SPPL3: variants seen among roughly 807,000 people sequenced by gnomAD.
SPPL3 encodes signal peptide peptidase like 3.
A neutral mutation model predicts 42.4 loss-of-function variants in SPPL3; 5 were observed. The ratio of observed to expected loss-of-function variants is 0.12; its 90% CI spans 0.06 to 0.25. The LOEUF (loss-of-function observed/expected upper bound fraction) is 0.25. Among genes scored for constraint, SPPL3 ranks in the 10% least tolerant of loss-of-function variants. The probability of loss-of-function intolerance (pLI) is 1.00; values close to 1 mark genes in which losing one functional copy is unlikely to be tolerated. For missense variants in SPPL3, 235 were observed against 489.0 expected (o/e 0.48, Z 4.90); for synonymous variants, 195 against 181.8 (o/e 1.07, Z -0.58).
intron 1 of SPPL3, among the ~76,000 whole-genome samples, chr12:120,865,894 G>A (rs143604631): frequency 0.014 from 2,161 of 152,260 alleles, 41 homozygotes; most frequent in African/African-American, 0.046. Flanking sequence ...TCACATTAAC[G>A]CCTGAGTTCT....
At chr12:120,892,984 GAAA>G (rs11373013) in intron 1 of SPPL3, among the ~76,000 whole-genome samples, 2 of 126,104 alleles carry the variant, frequency 1.6e-5, no homozygotes, top group African/African-American at 3.0e-5. Flanking sequence ...TCTGTCTCGG[GAAA>G]AAAAAAAAAA....
chr12:120,855,310 A>G (rs1872415094), intron 1 of SPPL3, among the ~76,000 whole-genome samples: 1 of 152,226 alleles, frequency 6.6e-6, no homozygotes, highest in African/African-American at 2.4e-5. Flanking sequence ...ATGTATAAAA[A>G]ACAATTTTTG....
intron 2 of SPPL3, among the ~76,000 whole-genome samples, chr12:120,801,285 C>T (rs1870284817): frequency 6.6e-6 from 1 of 152,196 alleles, no homozygotes; most frequent in Non-Finnish European, 1.5e-5. Flanking sequence ...CCTGTGCTAG[C>T]TGGGCCTCCT....
At chr12:120,798,114 C>T (rs1359051078) in intron 2 of SPPL3, among the ~76,000 whole-genome samples, 1 of 152,132 alleles carries the variant, frequency 6.6e-6, no homozygotes, top group African/African-American at 2.4e-5. Flanking sequence ...GACAGCTCCC[C>T]AGCAGGACCA....
chr12:120,825,997 G>C (rs1229716295), intron 1 of SPPL3, among the ~76,000 whole-genome samples: 1 of 94,198 alleles, frequency 1.1e-5, no homozygotes, highest in Non-Finnish European at 3.1e-5. Flanking sequence ...GAGAATGAAA[G>C]CAGGGCAAGA....
chr12:120,783,436 G>C (rs1468035217), intron 5 of SPPL3, among the ~76,000 whole-genome samples: 1 of 152,130 alleles, frequency 6.6e-6, no homozygotes, highest in African/African-American at 2.4e-5. Flanking sequence ...GATCTAAGTA[G>C]GAAGCACATT....
At chr12:120,900,923 C>CAAAA (rs11432981) in intron 1 of SPPL3, among the ~76,000 whole-genome samples, 2 of 101,494 alleles carry the variant, frequency 2.0e-5, no homozygotes, top group East Asian at 2.8e-4. Context: ...CCCTGTCTCA[C>CAAAA]AAAAAAAAAA....
intron 1 of SPPL3, among the ~76,000 whole-genome samples, chr12:120,827,019 T>C (rs970072086): frequency 1.3e-5 from 2 of 152,146 alleles, no homozygotes; most frequent in African/African-American, 4.8e-5. Context: ...CTCCAGTTGG[T>C]GATTTCTACC....
At chr12:120,845,124 G>T in intron 1 of SPPL3, 1 of 423,804 alleles carries the variant, frequency 2.4e-6, no homozygotes, top group Non-Finnish European at 4.6e-6. Flanking sequence ...TCTGGTTCCG[G>T]AGCGGACTAG....
At chr12:120,882,756 C>T (rs1873330772) in intron 1 of SPPL3, among the ~76,000 whole-genome samples, 1 of 152,130 alleles carries the variant, frequency 6.6e-6, no homozygotes, top group Non-Finnish European at 1.5e-5. Flanking sequence ...CACCTGGGCA[C>T]AGTGGCTTAT....
Position 120,764,632 on chromosome 12 carries a change from T to A in SPPL3, c.*367A>T, listed in dbSNP as rs1868809295. On this transcript the variant is annotated 3_prime_UTR_variant, in exon 11 of 11. Transcript: ENST00000353487. ...GGTTTGCTAATTTTTTTCATCCTTT[T>A]AGTGTTCAAAAGTTCTAGAAAGACT... is the stretch of plus-strand genomic sequence containing the variant. 1 of 380,966 alleles carries A rather than the reference T, an allele frequency of 2.6e-6. No homozygotes were observed. The highest frequency in any genetic ancestry group is 2.1e-5 in the African/African-American group (1 of 48,376). The allele number at this position is 380,966 out of a possible 1,614,324, so 23.6% of individuals were successfully genotyped here.
In SPPL3 at chr12:120,763,499, G is replaced by C. The variant is rs914236472; in HGVS notation, c.*1500C>G. 6.5e-6 allele frequency: 1 copy of C among 152,812 alleles called. No homozygotes were observed. The highest frequency in any genetic ancestry group is 2.4e-5 in the African/African-American group (1 of 41,464). The allele number at this position is 152,812 out of a possible 1,614,324, so 9.5% of individuals were successfully genotyped here. A position where few individuals can be genotyped will look rare whatever the true frequency, so the allele number is the denominator to read the frequency against. On this transcript the variant is annotated 3_prime_UTR_variant, in exon 11 of 11. Transcript: ENST00000353487. ...GGCCCTTCTCCAGCCTTTGTTGTCA[G>C]GCATCCTCATGCCAACCGCAGGCTT...
At position 120,764,695 on chromosome 12, in the gene SPPL3, T is replaced by A; in HGVS notation, c.*304A>T. On this transcript the variant is annotated 3_prime_UTR_variant, in exon 11 of 11. Transcript: ENST00000353487. ...CAGTTTTTAAACAGTCAAATCTCCATCTCCCCCAGAAGGTAACAGTCTGGT... is the reference window on the plus strand; with the variant it reads ...CAGTTTTTAAACAGTCAAATCTCCAACTCCCCCAGAAGGTAACAGTCTGGT... 2.5e-6 allele frequency: 1 copy of A among 398,836 alleles called. No homozygotes were observed. Among genetic ancestry groups the A allele is most frequent in the Non-Finnish European group, 4.4e-6 (1 of 226,636 alleles). 24.7% of individuals were successfully genotyped at this position (398,836 alleles called of 1,614,324 possible).
intron 2 of SPPL3, among the ~76,000 whole-genome samples, chr12:120,795,975 A>C (rs1371950137): frequency 2.0e-5 from 3 of 152,152 alleles, no homozygotes; most frequent in African/African-American, 7.2e-5. Flanking sequence ...CAAGTTCACT[A>C]ATCTTTTCTT....
At chr12:120,798,969 G>A (rs1163686167) in intron 2 of SPPL3, among the ~76,000 whole-genome samples, 1 of 152,006 alleles carries the variant, frequency 6.6e-6, no homozygotes, top group Non-Finnish European at 1.5e-5. Flanking sequence ...CAGGATGAAG[G>A]GTTATATAAC....
chr12:120,793,478 G>A (rs1445250775), intron 2 of SPPL3, among the ~76,000 whole-genome samples: 2 of 152,278 alleles, frequency 1.3e-5, no homozygotes, highest in African/African-American at 2.4e-5. Flanking sequence ...GTGAGACACT[G>A]TCTCCTCAAA....
intron 1 of SPPL3, among the ~76,000 whole-genome samples, chr12:120,867,381 G>C (rs748060352): frequency 2.0e-5 from 3 of 152,044 alleles, no homozygotes; most frequent in Non-Finnish European, 2.9e-5. Flanking sequence ...ATATTTAATG[G>C]TGTAGCTGGG....
At chr12:120,853,863 T>C (rs1032063316) in intron 1 of SPPL3, among the ~76,000 whole-genome samples, 1 of 152,046 alleles carries the variant, frequency 6.6e-6, no homozygotes, top group Non-Finnish European at 1.5e-5. Context: ...GAAAAACTAC[T>C]GAATATATTA....
chr12:120,767,426 TAGG>T lies in SPPL3; in HGVS notation c.938_940del (p.Ser313del). ...GTATCCGATGAGGGTGCAGTGAAAG[TAGG>T]AGACCTTCTGCATGCGCCCGGAGAT... On this transcript the variant is annotated inframe_deletion, in exon 9 of 11. Coordinates refer to ENST00000353487, the MANE Select transcript of SPPL3 (RefSeq NM_139015.5). 1 of 1,613,530 alleles carries T rather than the reference TAGG, an allele frequency of 6.2e-7. No homozygotes were observed.
Sources: allele counts gnomAD v4.1 joint callset (sites outside exome capture counted in the v4.1 genomes callset), GRCh38; gene constraint gnomAD v4.1.1; transcripts MANE v1.5; gene names NCBI Gene and HGNC (gene_info 2026-07-23, HGNC 2026-07-21).